Variants in RB1 observed in about 807,000 individuals in gnomAD.
The protein encoded by RB1 is retinoblastoma-associated protein.
RB1 carries 18 observed loss-of-function variants against 135.4 expected under a neutral mutation model. The observed-to-expected ratio is 0.13, with a 90% CI of 0.09 to 0.20. The LOEUF (loss-of-function observed/expected upper bound fraction) is 0.20. Ranked by LOEUF, RB1 falls within the 10% of genes least tolerant of loss-of-function variation. The probability of loss-of-function intolerance (pLI) is 1.00; values close to 1 mark genes in which losing one functional copy is unlikely to be tolerated. For missense variants in RB1, 868 were observed against 1,110.0 expected (o/e 0.78, Z 3.10); for synonymous variants, 365 against 373.2 (o/e 0.98, Z 0.25).
At chr13:48,380,291 A>T (rs2138143393) in intron 16 of RB1, 50 bp downstream of exon 16, 1 of 1,369,836 alleles carries the variant, frequency 7.3e-7, no homozygotes, top group Non-Finnish European at 1.0e-6. Context: ...TAAAGTTAAA[A>T]TGTGGTGTGT....
chr13:48,373,522 T>A (rs368396958), intron 12 of RB1, 30 bp downstream of exon 12: 12 of 1,386,464 alleles, frequency 8.7e-6, no homozygotes, highest in Non-Finnish European at 1.2e-5. Context: ...TTATTTATTG[T>A]AATATCTTGG....
chr13:48,413,984 A>G (rs1283451062), intron 17 of RB1, among the ~76,000 whole-genome samples: 1 of 152,142 alleles, frequency 6.6e-6, no homozygotes, highest in East Asian at 1.9e-4. Flanking sequence ...CTATATATTG[A>G]AATATATTTC....
At chr13:48,439,446 G>A (rs901978215) in intron 17 of RB1, among the ~76,000 whole-genome samples, 5 of 152,046 alleles carry the variant, frequency 3.3e-5, no homozygotes, top group Non-Finnish European at 7.4e-5. Flanking sequence ...CATAGTTATC[G>A]AAATCAGGCA....
chr13:48,440,503 G>T (rs1949226655), intron 17 of RB1, among the ~76,000 whole-genome samples: 1 of 152,054 alleles, frequency 6.6e-6, no homozygotes, highest in Non-Finnish European at 1.5e-5. Context: ...AGCCTGATGG[G>T]CACATGATCC....
At chr13:48,357,663 G>A (rs1190960818) in intron 6 of RB1, among the ~76,000 whole-genome samples, 4 of 151,972 alleles carry the variant, frequency 2.6e-5, no homozygotes, top group African/African-American at 9.7e-5. Flanking sequence ...TGGCTGCCAA[G>A]TAAAAGCTAT....
chr13:48,343,730 T>C (rs1952467395), intron 3 of RB1, among the ~76,000 whole-genome samples: 1 of 152,188 alleles, frequency 6.6e-6, no homozygotes, highest in African/African-American at 2.4e-5. Context: ...ATAAATGCTA[T>C]TCTGAGGCTG....
At chr13:48,413,504 C>T (rs1339200526) in intron 17 of RB1, among the ~76,000 whole-genome samples, 1 of 152,120 alleles carries the variant, frequency 6.6e-6, no homozygotes, top group Non-Finnish European at 1.5e-5. Context: ...TTAGTGATAT[C>T]TTAACATAGC....
At chr13:48,316,683 C>T (rs1952185658) in intron 2 of RB1, among the ~76,000 whole-genome samples, 1 of 143,172 alleles carries the variant, frequency 7.0e-6, no homozygotes, top group African/African-American at 2.5e-5. Flanking sequence ...TATGTATAAC[C>T]GACTCCTGTT....
intron 17 of RB1, among the ~76,000 whole-genome samples, chr13:48,431,080 T>G (rs1175363671): frequency 1.3e-5 from 2 of 152,222 alleles, no homozygotes; most frequent in African/African-American, 2.4e-5. Flanking sequence ...TCATATGAGT[T>G]ATAACATTTA....
In RB1 at chr13:48,465,239, G is replaced by A. The variant is rs748094394; in HGVS notation, c.2360G>A (p.Arg787Gln). ...PTLSPIPHIP[R>Q]SPYKFPSSPL... ...TTGTCACCAATACCTCACATTCCTC[G>A]AAGCCCTTACAAGTTTCCTAGTTCA... Residue 787 changes from arginine (R) to glutamine (Q), a missense_variant, in exon 23 of 27, where the codon CGA becomes CAA. Around this residue, in one of 3 missense-constraint regions of RB1, gnomAD observed 196 missense variants for 239.8 expected, o/e 0.82. Transcript: ENST00000267163. The A allele has an allele frequency of 4.4e-5, 71 of 1,613,528 alleles. No homozygotes were observed. The highest frequency in any genetic ancestry group is 3.3e-4 in the Middle Eastern group (2 of 6,084).
At chr13:48,317,130 G>A (rs1233501002) in intron 2 of RB1, 4 of 905,404 alleles carry the variant, frequency 4.4e-6, no homozygotes, top group Non-Finnish European at 6.1e-6. Context: ...GACAGGGCTG[G>A]GCCCGGCCTG....
At chr13:48,449,504 A>G (rs955704216) in intron 17 of RB1, among the ~76,000 whole-genome samples, 2 of 152,248 alleles carry the variant, frequency 1.3e-5, no homozygotes, top group East Asian at 1.9e-4. Context: ...TTTCTCACCT[A>G]CTGAGTAGGT....
rs2138027862 is a variant in RB1, at chr13:48,304,020, C to T, written c.108C>T (p.Asp36=). 1 of 1,469,796 alleles carries T rather than the reference C, an allele frequency of 6.8e-7. No homozygotes were observed. The highest frequency in any genetic ancestry group is 1.5e-5 in the African/African-American group (1 of 67,924). 91.0% of individuals were successfully genotyped at this position (1,469,796 alleles called of 1,614,324 possible). Residue 36 remains aspartate (D), a synonymous_variant, in exon 1 of 27, where the codon GAC becomes GAT. Coordinates refer to ENST00000267163, the MANE Select transcript of RB1 (RefSeq NM_000321.3). ...PPPPEEDPEQ[D]SGPEDLPLVR... is the part of the protein sequence containing the mutation. ...CTCCTGAGGAGGACCCAGAGCAGGA[C>T]AGCGGCCCGGAGGACCTGCCTCTCG...
intron 17 of RB1, among the ~76,000 whole-genome samples, chr13:48,422,459 A>C (rs1220195473): frequency 6.6e-6 from 1 of 152,186 alleles, no homozygotes; most frequent in Non-Finnish European, 1.5e-5. Context: ...GCACGTGTAT[A>C]CCTATGTAAC....
At position 48,304,004 on chromosome 13, in the gene RB1, A is replaced by C; in HGVS notation, c.92A>C (p.Glu31Ala). The C allele has an allele frequency of 6.7e-7, 1 of 1,496,706 alleles. No homozygotes were observed. Among genetic ancestry groups the C allele is most frequent in the Non-Finnish European group, 8.8e-7 (1 of 1,131,346 alleles). 92.7% of individuals were successfully genotyped at this position (1,496,706 alleles called of 1,614,324 possible). Residue 31 changes from glutamate (E) to alanine (A), a missense_variant, in exon 1 of 27, where the codon GAG (glutamate) becomes GCG (alanine). Glu to Ala is a moderately radical substitution (Grantham distance 107). Coordinates refer to ENST00000267163, the MANE Select transcript of RB1 (RefSeq NM_000321.3). Reference sequence around the variant, plus strand: ...CCGCCGCCGCCGCCCCCTCCTGAGGAGGACCCAGAGCAGGACAGCGGCCCG... The same window carrying C: ...CCGCCGCCGCCGCCCCCTCCTGAGGCGGACCCAGAGCAGGACAGCGGCCCG... ...PAPPPPPPPE[E>A]DPEQDSGPED...
intron 6 of RB1, among the ~76,000 whole-genome samples, chr13:48,352,808 G>C (rs1220169922): frequency 6.6e-6 from 1 of 152,146 alleles, no homozygotes; most frequent in Non-Finnish European, 1.5e-5. Context: ...CACAGAGATA[G>C]TTTGACTCCC....
chr13:48,383,309 A>C (rs1948550885), intron 17 of RB1, among the ~76,000 whole-genome samples: 1 of 152,120 alleles, frequency 6.6e-6, no homozygotes, highest in South Asian at 2.1e-4. Context: ...TAGCATTATA[A>C]CTATTGATAA....
At chr13:48,307,234 T>C (rs766609063) in intron 1 of RB1, 46 bp from the exon 2 acceptor site, 1 of 1,521,374 alleles carries the variant, frequency 6.6e-7, no homozygotes, top group Non-Finnish European at 9.1e-7. Flanking sequence ...TGAATCAATT[T>C]GATTTATAAG....
chr13:48,460,792 C>T (rs1489781049), intron 20 of RB1, among the ~76,000 whole-genome samples: 1 of 152,044 alleles, frequency 6.6e-6, no homozygotes, highest in Non-Finnish European at 1.5e-5. Context: ...AAAACTCTGT[C>T]TCTACAAAAA....
Sources: gnomAD v4.1 joint callset for allele counts (sites outside exome capture counted in the v4.1 genomes callset) on GRCh38, gnomAD v4.1.1 for gene constraint, gnomAD v4.1.1 regional missense constraint, MANE v1.5 for transcripts, NCBI Gene and HGNC (gene_info 2026-07-23, HGNC 2026-07-21) for gene names.